Variants in CTNNA3 observed in about 807,000 individuals in gnomAD.
CTNNA3 encodes catenin alpha-3.
CTNNA3 carries 76 observed loss-of-function variants against 95.7 expected under a neutral mutation model. The observed-to-expected ratio is 0.79, with a 90% CI of 0.66 to 0.96. The LOEUF is 0.96. Ranked by LOEUF, CTNNA3 falls within the 40% of genes least tolerant of loss-of-function variation. The pLI is 0.00. For synonymous variants in CTNNA3, 431 were observed against 374.4 expected, an observed-to-expected ratio of 1.15 and a Z score of -1.74; for missense variants, 1,191 against 1,089.8, an observed-to-expected ratio of 1.09 and a Z score of -1.31.
chr10:67,522,096 A>G, intron 4 of CTNNA3, 135 bp from the exon 5 acceptor site: 1 of 819,666 alleles, frequency 1.2e-6, no homozygotes, highest in African/African-American at 1.7e-5. Flanking sequence ...ATGCTAGCTA[A>G]TTATCTTTCA....
intron 10 of CTNNA3, among the ~76,000 whole-genome samples, chr10:66,621,100 T>C (rs1844729432): frequency 6.6e-6 from 1 of 152,114 alleles, no homozygotes; most frequent in African/African-American, 2.4e-5. Flanking sequence ...CAAGAAAATA[T>C]TTCTTAACTT....
At chr10:66,797,668 G>T (rs1841260470) in intron 7 of CTNNA3, among the ~76,000 whole-genome samples, 2 of 152,004 alleles carry the variant, frequency 1.3e-5, no homozygotes, top group Admixed American at 1.3e-4. Flanking sequence ...TTAAAGGAGA[G>T]CTACATTTTA....
chr10:66,038,466 T>C lies in CTNNA3; in HGVS notation c.2159+30842A>G, dbSNP rs148440276. On this transcript the variant is annotated intron_variant, in intron 15 of 17. Transcript: ENST00000433211. ...GACTGACTGCCAGACCAGGAGCCTA[T>C]GCTGTCTCATTGTGAAAAAAAAATT... Among the ~76,000 whole-genome samples the C allele has an allele frequency of 5.7e-3, 861 of 152,308 alleles. 7 individuals carry two copies. Among genetic ancestry groups the C allele is most frequent in the African/African-American group, 0.02 (822 of 41,560 alleles).
In CTNNA3 at chr10:66,328,549, A is replaced by G. The variant is rs959331035; in HGVS notation, c.1733-47928T>C. 1.3e-4 allele frequency among the ~76,000 whole-genome samples: 19 copies of G among 149,148 alleles called. No individual in the cohort carries two copies. The East Asian group carries it at 3.9e-3, about 31-fold the overall frequency. ...CAGTGCAGCTCAGACTTGTCCATAG[A>G]GAAGTCTTTCTTGATGATCACAGGA... On this transcript the variant is annotated intron_variant, in intron 12 of 17. Transcript: ENST00000433211.
intron 12 of CTNNA3, among the ~76,000 whole-genome samples, chr10:66,310,965 G>A (rs2092012296): frequency 6.6e-6 from 1 of 152,144 alleles, no homozygotes; most frequent in African/African-American, 2.4e-5. Context: ...GGGATTACAG[G>A]TGTGAGTATA....
At position 66,331,338 on chromosome 10, in the gene CTNNA3, G is replaced by GCTTGCTTTTTTTTTTT. The variant is rs1417713676; in HGVS notation, c.1732+47813_1732+47814insAAAAAAAAAAAGCAAG. Among the ~76,000 whole-genome samples the GCTTGCTTTTTTTTTTT allele has an allele frequency of 6.4e-3, 252 of 39,080 alleles. 50 individuals are homozygous for GCTTGCTTTTTTTTTTT. The highest frequency in any genetic ancestry group is 0.013 in the African/African-American group (183 of 13,970). 25.6% of individuals were successfully genotyped at this position (39,080 alleles called of 152,430 possible). Reference sequence around the variant, plus strand: ...TTAAATATGGACTCCTTTCCCCATTGTTTGTTTTTTTTTTTTTTTTTTTTT... The same window carrying GCTTGCTTTTTTTTTTT: ...TTAAATATGGACTCCTTTCCCCATTGCTTGCTTTTTTTTTTTTTTGTTTTTTTTTTTTTTTTTTTTT... On this transcript the variant is annotated intron_variant, in intron 12 of 17. Coordinates refer to ENST00000433211, the MANE Select transcript of CTNNA3 (RefSeq NM_013266.4).
At chr10:66,781,940 C>A (rs1335503819) in intron 7 of CTNNA3, among the ~76,000 whole-genome samples, 1 of 152,132 alleles carries the variant, frequency 6.6e-6, no homozygotes, top group Non-Finnish European at 1.5e-5. Context: ...TCAGGTAGAA[C>A]TGTGTCCCAT....
intron 5 of CTNNA3, among the ~76,000 whole-genome samples, chr10:67,320,288 G>GC (rs1433597761): frequency 1.3e-5 from 2 of 152,112 alleles, no homozygotes; most frequent in Admixed American, 1.3e-4. Flanking sequence ...ATTAGAAAAA[G>GC]CCAACTCTGA....
intron 5 of CTNNA3, among the ~76,000 whole-genome samples, chr10:67,302,025 AAGAAAGAAAGAAAG>A (rs1840328478): frequency 2.5e-5 from 1 of 40,292 alleles, no homozygotes; most frequent in African/African-American, 1.6e-4. Context: ...GAAAGAAAGA[AAGAAAGAAAGAAAG>A]AAAGAAAGAA....
rs533872897 is a variant in CTNNA3 at position 67,640,703 on chromosome 10, C to T, written c.99+6712G>A. Among the ~76,000 whole-genome samples the T allele has an allele frequency of 0.033, 4,980 of 151,920 alleles. 571 individuals are homozygous for T. The East Asian group carries it at 0.42, about 13-fold the overall frequency. ...CAGAGCCCTCAGAAATAATGCCACA[C>T]AAGTACAACCATCTGATCTTTGACA... On this transcript the variant is annotated intron_variant, in intron 2 of 17. Transcript: ENST00000433211.
intron 7 of CTNNA3, among the ~76,000 whole-genome samples, chr10:67,136,977 A>G (rs1860334747): frequency 6.6e-6 from 1 of 152,112 alleles, no homozygotes; most frequent in Non-Finnish European, 1.5e-5. Context: ...GCAAGAAGTG[A>G]CTCCAACCTA....
At chr10:66,382,647 C>G (rs559740395) in intron 11 of CTNNA3, among the ~76,000 whole-genome samples, 7 of 152,172 alleles carry the variant, frequency 4.6e-5, no homozygotes, top group Non-Finnish European at 1.0e-4. Flanking sequence ...GGTCCCTGAC[C>G]TCTGTGTAGC....
At chr10:67,284,033 C>T (rs1839499954) in intron 5 of CTNNA3, among the ~76,000 whole-genome samples, 1 of 152,128 alleles carries the variant, frequency 6.6e-6, no homozygotes, top group African/African-American at 2.4e-5. Flanking sequence ...TTTCAGCAAA[C>T]CTTCAGAGGG....
At chr10:67,276,124 A>C (rs1343302692) in intron 5 of CTNNA3, among the ~76,000 whole-genome samples, 1 of 152,164 alleles carries the variant, frequency 6.6e-6, no homozygotes, top group Non-Finnish European at 1.5e-5. Context: ...ATTCATTGTC[A>C]CTAGTTGCAA....
chr10:66,969,165 A>C (rs1333853663), intron 7 of CTNNA3, among the ~76,000 whole-genome samples: 1 of 152,154 alleles, frequency 6.6e-6, no homozygotes, highest in Non-Finnish European at 1.5e-5. Flanking sequence ...ATCAAATATT[A>C]ATAAGAAAAT....
chr10:65,924,427 C>A (rs2077135144), intron 17 of CTNNA3, among the ~76,000 whole-genome samples: 1 of 152,152 alleles, frequency 6.6e-6, no homozygotes, highest in Non-Finnish European at 1.5e-5. Flanking sequence ...TCTTTCTTGA[C>A]CATAAGCAAG....
rs1841028875 is a variant in CTNNA3 at position 66,792,814 on chromosome 10, T to C, written c.1048-17290A>G. Among the ~76,000 whole-genome samples the C allele has an allele frequency of 2.0e-5, 3 of 152,160 alleles. No homozygotes were observed. In the South Asian group the frequency reaches 6.2e-4, roughly 32 times the overall value. On this transcript the variant is annotated intron_variant, in intron 7 of 17. Transcript: ENST00000433211. ...TATTCTAAAACAAACTTCTAAAGAT[T>C]GCCTCATCACCTAGGTCTGGACAGA...
chr10:66,752,999 T>TGTAA (rs1839214364), intron 9 of CTNNA3, among the ~76,000 whole-genome samples: 1 of 152,180 alleles, frequency 6.6e-6, no homozygotes, highest in Non-Finnish European at 1.5e-5. Flanking sequence ...ACCTGTTCAC[T>TGTAA]GTAAGTTTTC....
At position 66,736,596 on chromosome 10, in the gene CTNNA3, T is replaced by C. The variant is rs1424899423; in HGVS notation, c.1281+29668A>G. On this transcript the variant is annotated intron_variant, in intron 9 of 17. Coordinates refer to ENST00000433211, the MANE Select transcript of CTNNA3 (RefSeq NM_013266.4). ...AATAATAAGGCTAAAATTATGCCAC[T>C]GTGTACAGCTTTGTAAATGGGCCAA... is the stretch of plus-strand genomic sequence containing the variant. Among the ~76,000 whole-genome samples the C allele has an allele frequency of 6.6e-5, 10 of 152,244 alleles. No homozygotes were observed. In the East Asian group the frequency reaches 1.9e-3, roughly 29 times the overall value.
Sources: gnomAD v4.1 joint callset for allele counts (sites outside exome capture counted in the v4.1 genomes callset) on GRCh38, gnomAD v4.1.1 for gene constraint, MANE v1.5 for transcripts, NCBI Gene and HGNC (gene_info 2026-07-23, HGNC 2026-07-21) for gene names.